ARRDC3: variants seen among roughly 807,000 people sequenced by gnomAD.
ARRDC3 encodes arrestin domain-containing protein 3.
ARRDC3 carries 10 observed loss-of-function variants against 47.2 expected under a neutral mutation model. The ratio of observed to expected loss-of-function variants is 0.21; its 90% confidence interval spans 0.13 to 0.36. The LOEUF (loss-of-function observed/expected upper bound fraction) is 0.36. ARRDC3 is among the 10% of genes least tolerant of loss of function. The pLI, the probability that ARRDC3 is intolerant of heterozygous loss-of-function variation, is 1.00. For missense variants in ARRDC3, 381 were observed against 503.6 expected, an observed-to-expected ratio of 0.76 and a Z score of 2.33; for synonymous variants, 156 against 178.3, an observed-to-expected ratio of 0.87 and a Z score of 1.00.
chr5:91,378,824 C>T, intron 1 of ARRDC3, 49 bp from the exon 2 acceptor site: 1 of 1,245,796 alleles, frequency 8.0e-7, no homozygotes, highest in Non-Finnish European at 1.1e-6. Context: ...TCAACATTTA[C>T]ATACTCCGCA....
chr5:91,380,972 G>C (rs758192572), intron 1 of ARRDC3: 1 of 152,240 alleles, frequency 6.6e-6, no homozygotes, highest in Admixed American at 6.5e-5. Flanking sequence ...CTTTACCGGC[G>C]CACGCCGGTT....
rs780767063 is a variant in ARRDC3, at chr5:91,376,771, G to A, written c.363-3C>T. On this transcript the variant is annotated splice_region_variant and splice_polypyrimidine_tract_variant and intron_variant, in intron 2 of 7. Coordinates refer to ENST00000265138, the MANE Select transcript of ARRDC3 (RefSeq NM_020801.4). ...CTTCGAATGAGGTAGCGAGTGGTCT[G>A]TGCAGAATATAAAGGTCAATATATT... is the stretch of plus-strand genomic sequence containing the variant. The A allele has an allele frequency of 1.9e-6, 3 of 1,609,054 alleles. No homozygotes were observed. The South Asian group carries it at 3.3e-5, about 18-fold the overall frequency.
chr5:91,373,057 C>G (rs1310071401), intron 7 of ARRDC3, among the ~76,000 whole-genome samples: 1 of 152,140 alleles, frequency 6.6e-6, no homozygotes, highest in Non-Finnish European at 1.5e-5. Flanking sequence ...ATGCCCAAGA[C>G]CTAATAAGCT....
intron 4 of ARRDC3, 59 bp from the exon 5 acceptor site, chr5:91,375,237 A>C: frequency 2.0e-6 from 3 of 1,530,092 alleles, no homozygotes; most frequent in Non-Finnish European, 2.6e-6. Context: ...AAAGAAGTCA[A>C]GATTCTTAAA....
chr5:91,373,495 A>T (rs1274947917), intron 7 of ARRDC3, among the ~76,000 whole-genome samples, 189 bp downstream of exon 7: 1 of 152,196 alleles, frequency 6.6e-6, no homozygotes, highest in Non-Finnish European at 1.5e-5. Context: ...TAATAAGTGA[A>T]CAGTCCTACC....
In ARRDC3 at chr5:91,370,804, T is replaced by C. The variant is rs184151605; in HGVS notation, c.*596A>G. On this transcript the variant is annotated 3_prime_UTR_variant, in exon 8 of 8. Coordinates refer to ENST00000265138, the MANE Select transcript of ARRDC3 (RefSeq NM_020801.4). ...TGATGTTTGTAAATAAATCCACAAT[T>C]GGATCCAAGCTGAAGAGGTGATACA... 1 of 152,372 alleles carries C rather than the reference T, an allele frequency of 6.6e-6. No homozygotes were observed. The highest frequency in any genetic ancestry group is 2.4e-5 in the African/African-American group (1 of 41,378). The allele number at this position is 152,372 out of a possible 1,614,324, so 9.4% of individuals were successfully genotyped here. A position where few individuals can be genotyped will look rare whatever the true frequency, so the allele number is the denominator to read the frequency against.
chr5:91,372,469 A>G (rs1799199306), intron 7 of ARRDC3, among the ~76,000 whole-genome samples: 1 of 152,214 alleles, frequency 6.6e-6, no homozygotes, highest in African/African-American at 2.4e-5. Context: ...TTGGACAGCC[A>G]GGAAGCCTCA....
chr5:91,383,159 TCTTCA>T lies in ARRDC3; in HGVS notation c.-72_-68del. On this transcript the variant is annotated 5_prime_UTR_variant, in exon 1 of 8. Transcript: ENST00000265138. ...AGTCAAGATCGCATATAAAATGTGA[TCTTCA>T]CTTAACACTGATCGATATTTTTGCC... 1.4e-6 allele frequency: 2 copies of T among 1,405,240 alleles called. No homozygotes were observed. The highest frequency in any genetic ancestry group is 1.9e-6 in the Non-Finnish European group (2 of 1,038,882). 87.0% of individuals were successfully genotyped at this position (1,405,240 alleles called of 1,614,324 possible).
chr5:91,375,330 T>G, intron 4 of ARRDC3, 152 bp from the exon 5 acceptor site: 1 of 948,684 alleles, frequency 1.1e-6, no homozygotes, highest in Non-Finnish European at 1.5e-6. Context: ...AATGAACTAA[T>G]CAGTAGCTAT....
rs1799127113 is a variant in ARRDC3 at position 91,369,800 on chromosome 5, G to A, written c.*1600C>T. 6.6e-6 allele frequency: 1 copy of A among 152,026 alleles called. No individual in the cohort carries two copies. Among genetic ancestry groups the A allele is most frequent in the South Asian group, 2.1e-4 (1 of 4,822 alleles). 9.4% of individuals were successfully genotyped at this position (152,026 alleles called of 1,614,324 possible). On this transcript the variant is annotated 3_prime_UTR_variant, in exon 8 of 8. Coordinates refer to ENST00000265138, the MANE Select transcript of ARRDC3 (RefSeq NM_020801.4). ...ACAAAATAAGTACACTTGGTACCTT[G>A]GAAAATGCTGAAATGCTATCATGAA...
Position 91,378,688 on chromosome 5 carries a change from A to G in ARRDC3, c.362+6T>C. On this transcript the variant is annotated splice_donor_region_variant and intron_variant, in intron 2 of 7. Coordinates refer to ENST00000265138, the MANE Select transcript of ARRDC3 (RefSeq NM_020801.4). Reference sequence around the variant, plus strand: ...TATAAAAATGCCTATTATTTATAATACTTACGTCTGTGGAAGCTCGAAGCT... The same window carrying G: ...TATAAAAATGCCTATTATTTATAATGCTTACGTCTGTGGAAGCTCGAAGCT... The G allele has an allele frequency of 6.5e-7, 1 of 1,527,476 alleles. No homozygotes were observed. Among genetic ancestry groups the G allele is most frequent in the Non-Finnish European group, 9.0e-7 (1 of 1,111,900 alleles). 94.6% of individuals were successfully genotyped at this position (1,527,476 alleles called of 1,614,324 possible).
chr5:91,374,971 G>A lies in ARRDC3; in HGVS notation c.821C>T (p.Ser274Phe). The A allele has an allele frequency of 6.2e-7, 1 of 1,614,190 alleles. No individual in the cohort carries two copies. The highest frequency in any genetic ancestry group is 8.5e-7 in the Non-Finnish European group (1 of 1,180,008). ...NGKLLKIPPV[S>F]PSILDCSIIR... The stretch of plus-strand genomic sequence containing the variant: ...TATACTACAGTCGAGGATAGAGGGA[G>A]AAACTGGTGGAATTTTCAGCAACTT... The change falls in exon 5 of 8, where the codon TCT becomes TTT. Residue 274 changes from serine (S) to phenylalanine (F), a missense_variant. Transcript: ENST00000265138.
At chr5:91,377,612 G>A (rs1799335435) in intron 2 of ARRDC3, among the ~76,000 whole-genome samples, 2 of 146,274 alleles carry the variant, frequency 1.4e-5, no homozygotes, top group Admixed American at 1.4e-4. Flanking sequence ...ACATTAACTT[G>A]TATAGCAGAG....
intron 2 of ARRDC3, 109 bp from the exon 3 acceptor site, chr5:91,376,877 G>T (rs897270381): frequency 2.8e-6 from 3 of 1,058,042 alleles, no homozygotes; most frequent in Non-Finnish European, 3.7e-6. Context: ...GTTCCAATGA[G>T]GTATCAAACA....
At chr5:91,378,187 T>C (rs1014194064) in intron 2 of ARRDC3, among the ~76,000 whole-genome samples, 4 of 152,128 alleles carry the variant, frequency 2.6e-5, no homozygotes, top group African/African-American at 7.2e-5. Context: ...AATAGTTCTT[T>C]GTACAGAAGC....
chr5:91,382,911 T>A lies in ARRDC3; in HGVS notation c.182A>T (p.Glu61Val). 1 of 1,614,188 alleles carries A rather than the reference T, an allele frequency of 6.2e-7. No individual in the cohort carries two copies. Among genetic ancestry groups the A allele is most frequent in the Non-Finnish European group, 8.5e-7 (1 of 1,180,032 alleles). ...AGTATTGGAGCCGGCGTTTCTAGAT[T>A]CAGTCCAGCGTACTTTCGCATGTCC... ...ARGHAKVRWT[E>V]SRNAGSNTAY... The change falls in exon 1 of 8, where the codon GAA becomes GTA. Residue 61 changes from glutamate (E) to valine (V), a missense_variant. Physicochemically the swap from Glu to Val is moderately radical, Grantham distance 121. Transcript: ENST00000265138.
chr5:91,376,568 C>A, intron 3 of ARRDC3, 53 bp downstream of exon 3: 3 of 1,465,874 alleles, frequency 2.0e-6, no homozygotes, highest in East Asian at 2.3e-5. Context: ...ATTGATTATT[C>A]TTTAATATTT....
At chr5:91,378,937 T>C (rs1473514124) in intron 1 of ARRDC3, among the ~76,000 whole-genome samples, 162 bp from the exon 2 acceptor site, 1 of 152,136 alleles carries the variant, frequency 6.6e-6, no homozygotes, top group Non-Finnish European at 1.5e-5. Flanking sequence ...TCATTTCCTC[T>C]GGACAAAATA....
chr5:91,375,442 CATATT>C, intron 4 of ARRDC3, 64 bp downstream of exon 4: 2 of 1,049,220 alleles, frequency 1.9e-6, no homozygotes, highest in Non-Finnish European at 2.9e-6. Flanking sequence ...ATTTAGTAGT[CATATT>C]ATAAATTTAA....
Sources: gnomAD v4.1 joint callset for allele counts (sites outside exome capture counted in the v4.1 genomes callset) on GRCh38, gnomAD v4.1.1 for gene constraint, MANE v1.5 for transcripts, NCBI Gene and HGNC (gene_info 2026-07-23, HGNC 2026-07-21) for gene names.